The following SGCZ variants were observed in gnomAD, a reference collection of about 807,000 sequenced individuals.
The protein encoded by SGCZ is sarcoglycan zeta, also known as zeta-sarcoglycan.
In SGCZ, 40 loss-of-function variants were observed where a neutral mutation model predicts 41.3. The observed-to-expected ratio is 0.97, with a 90% confidence interval of 0.75 to 1.26. SGCZ has a LOEUF of 1.26. SGCZ is among the 50% of genes most tolerant of loss of function. The pLI is 0.00. For synonymous variants in SGCZ, 206 were observed against 137.5 expected (o/e 1.50, Z -3.49); for missense variants, 552 against 369.8 (o/e 1.49, Z -4.04).
chr8:14,727,795 C>T (rs1243683006), intron 1 of SGCZ, among the ~76,000 whole-genome samples: 1 of 152,012 alleles, frequency 6.6e-6, no homozygotes, highest in Non-Finnish European at 1.5e-5. Flanking sequence ...TGAGCCACCG[C>T]GCCCAGCCAA....
rs34647526 is a variant in SGCZ, at chr8:14,946,005, C to CATATATAT, written c.39+291572_39+291579dup. Reference sequence around the variant, plus strand: ...AGCCAATTCCCCTACTAAATGTCCCCATATATATATATATATATATATATA... The same window carrying CATATATAT: ...AGCCAATTCCCCTACTAAATGTCCCCATATATATATATATATATATATATATATATATA... On this transcript the variant is annotated intron_variant, in intron 1 of 7. Coordinates refer to ENST00000382080, the MANE Select transcript of SGCZ (RefSeq NM_139167.4). Among the ~76,000 whole-genome samples the CATATATAT allele has an allele frequency of 1.2e-3, 18 of 14,884 alleles. 2 individuals are homozygous for CATATATAT. Among genetic ancestry groups the CATATATAT allele is most frequent in the Non-Finnish European group, 1.7e-3 (14 of 8,008 alleles). 9.8% of individuals were successfully genotyped at this position (14,884 alleles called of 152,430 possible).
intron 2 of SGCZ, among the ~76,000 whole-genome samples, chr8:14,462,447 T>C (rs1214806940): frequency 6.6e-6 from 1 of 152,092 alleles, no homozygotes; most frequent in African/African-American, 2.4e-5. Context: ...CGTTTGTCTC[T>C]ATAAGTCTTT....
chr8:14,525,455 G>A lies in SGCZ; in HGVS notation c.234+29277C>T, dbSNP rs1052989530. ...ATGTTATACTTTGTTTTCATCTTTC[G>A]GTGACACTTTTAATATATCATTATT... is the stretch of plus-strand genomic sequence containing the variant. On this transcript the variant is annotated intron_variant, in intron 2 of 7. Coordinates refer to ENST00000382080, the MANE Select transcript of SGCZ (RefSeq NM_139167.4). Among the ~76,000 whole-genome samples, 22 of 151,758 alleles carry A rather than the reference G, an allele frequency of 1.4e-4. 1 individual carries two copies. The highest frequency in any genetic ancestry group is 5.8e-4 in the East Asian group (3 of 5,160).
At chr8:14,691,026 G>T (rs1200349433) in intron 1 of SGCZ, among the ~76,000 whole-genome samples, 1 of 152,156 alleles carries the variant, frequency 6.6e-6, no homozygotes, top group Non-Finnish European at 1.5e-5. Flanking sequence ...AGAAATACAT[G>T]AAGGAATCAA....
chr8:14,397,489 C>A (rs555617729), intron 2 of SGCZ, among the ~76,000 whole-genome samples: 24 of 152,082 alleles, frequency 1.6e-4, no homozygotes, highest in South Asian at 1.2e-3. Flanking sequence ...GTGATAGTGT[C>A]CAAGTTACAT....
intron 1 of SGCZ, among the ~76,000 whole-genome samples, chr8:15,181,316 TTTATAA>T (rs1800171970): frequency 6.6e-6 from 1 of 152,104 alleles, no homozygotes; most frequent in African/African-American, 2.4e-5. Context: ...TACTTAAGAG[TTTATAA>T]TTATATTTGA....
chr8:14,840,655 T>A (rs1047443258), intron 1 of SGCZ, among the ~76,000 whole-genome samples: 2 of 152,024 alleles, frequency 1.3e-5, no homozygotes, highest in African/African-American at 2.4e-5. Flanking sequence ...AACTTAGAAG[T>A]AGAGCATGAA....
intron 1 of SGCZ, among the ~76,000 whole-genome samples, chr8:14,960,968 C>G (rs982041381): frequency 5.4e-5 from 8 of 148,678 alleles, no homozygotes; most frequent in Non-Finnish European, 1.2e-4. Flanking sequence ...CACACACTCA[C>G]TCAAGCAGAA....
chr8:14,215,948 G>C (rs952140581), intron 4 of SGCZ, among the ~76,000 whole-genome samples: 3 of 152,160 alleles, frequency 2.0e-5, no homozygotes, highest in African/African-American at 7.2e-5. Flanking sequence ...TGAAAGAGTG[G>C]GCTAGGGGAC....
At chr8:14,894,772 GT>G (rs1339658382) in intron 1 of SGCZ, among the ~76,000 whole-genome samples, 1 of 151,518 alleles carries the variant, frequency 6.6e-6, no homozygotes, top group Non-Finnish European at 1.5e-5. Flanking sequence ...ACAAAAAAAA[GT>G]GAATAAATAA....
chr8:14,551,539 TATAATATATATAATATATA>T (rs1803843583), intron 2 of SGCZ, among the ~76,000 whole-genome samples: 2 of 5,640 alleles, frequency 3.5e-4, no homozygotes, highest in Admixed American at 3.1e-3. Context: ...ATATAATATA[TATAATATATATAATATATA>T]TTATATATAT....
chr8:14,485,472 G>A (rs1386970464), intron 2 of SGCZ, among the ~76,000 whole-genome samples: 4 of 152,158 alleles, frequency 2.6e-5, no homozygotes, highest in East Asian at 3.9e-4. Flanking sequence ...TCCTAACCTC[G>A]TCATCTGCCC....
intron 1 of SGCZ, among the ~76,000 whole-genome samples, chr8:14,891,149 T>G: frequency 6.6e-6 from 1 of 152,206 alleles, no homozygotes; most frequent in East Asian, 1.9e-4. Flanking sequence ...AAGGAATAAT[T>G]TCCACATTGA....
At chr8:14,254,186 C>A (rs1403273912) in intron 3 of SGCZ, among the ~76,000 whole-genome samples, 2 of 151,898 alleles carry the variant, frequency 1.3e-5, no homozygotes, top group Admixed American at 6.6e-5. Flanking sequence ...TAGAGGTGAA[C>A]CCTGGATTTT....
At chr8:14,372,960 A>T (rs988450811) in intron 2 of SGCZ, among the ~76,000 whole-genome samples, 3 of 152,206 alleles carry the variant, frequency 2.0e-5, no homozygotes, top group Non-Finnish European at 2.9e-5. Context: ...ATGTGACATT[A>T]TGATATTATC....
At chr8:14,497,345 G>T (rs918865612) in intron 2 of SGCZ, among the ~76,000 whole-genome samples, 1 of 152,092 alleles carries the variant, frequency 6.6e-6, no homozygotes, top group Non-Finnish European at 1.5e-5. Flanking sequence ...AAAGAAGGGA[G>T]AGGTCCAAGT....
intron 1 of SGCZ, among the ~76,000 whole-genome samples, chr8:15,115,003 T>A (rs750306620): frequency 6.6e-5 from 10 of 152,176 alleles, no homozygotes; most frequent in Non-Finnish European, 1.2e-4. Flanking sequence ...ACATTAGTTA[T>A]GATAAAACTG....
chr8:14,163,165 T>C (rs1362989167), intron 5 of SGCZ, among the ~76,000 whole-genome samples: 1 of 152,204 alleles, frequency 6.6e-6, no homozygotes, highest in African/African-American at 2.4e-5. Context: ...GTCCAGCCAA[T>C]ACACTTTTTT....
At chr8:14,584,231 T>C (rs1322557218) in intron 1 of SGCZ, among the ~76,000 whole-genome samples, 2 of 152,088 alleles carry the variant, frequency 1.3e-5, no homozygotes, top group East Asian at 3.9e-4. Context: ...ACAAGTAAAA[T>C]TTAAATCATG....
Sources: gnomAD v4.1 joint callset for allele counts (sites outside exome capture counted in the v4.1 genomes callset) on GRCh38, gnomAD v4.1.1 for gene constraint, MANE v1.5 for transcripts, NCBI Gene and HGNC (gene_info 2026-07-23, HGNC 2026-07-21) for gene names.